The following MACROD2 variants were observed in gnomAD, a reference collection of about 807,000 sequenced individuals.
MACROD2 encodes ADP-ribose glycohydrolase MACROD2.
Under a neutral mutation model 70.4 loss-of-function variants are expected in MACROD2, and 36 were observed. The ratio of observed to expected loss-of-function variants is 0.51; its 90% CI spans 0.39 to 0.68. The LOEUF (loss-of-function observed/expected upper bound fraction) is 0.68, where lower values mean the gene tolerates loss of function less well. Ranked by LOEUF, MACROD2 falls within the 30% of genes least tolerant of loss-of-function variation. The pLI, the probability that MACROD2 is intolerant of heterozygous loss-of-function variation, is 0.00. For missense variants in MACROD2, 496 were observed against 538.4 expected (o/e 0.92, Z 0.78); for synonymous variants, 172 against 178.8 (o/e 0.96, Z 0.30).
intron 8 of MACROD2, among the ~76,000 whole-genome samples, chr20:15,640,285 A>G (rs1231171718): frequency 6.6e-6 from 1 of 152,062 alleles, no homozygotes; most frequent in East Asian, 1.9e-4. Context: ...GGGGAAATAA[A>G]GGAAAAGGAG....
At chr20:14,790,123 T>C (rs2072431538) in intron 5 of MACROD2, among the ~76,000 whole-genome samples, 1 of 152,142 alleles carries the variant, frequency 6.6e-6, no homozygotes. Flanking sequence ...TTTTTCTCCT[T>C]AAGTGCATAT....
At position 14,845,818 on chromosome 20, in the gene MACROD2, C is replaced by G. The variant is rs1198173553; in HGVS notation, c.418+160859C>G. ...GGTTGGCTATAGAAATGAGTCACGA[C>G]CAGTCAGATTTGGCTGACTTGTGGG... On this transcript the variant is annotated intron_variant, in intron 5 of 17. Transcript: ENST00000684519. 2.0e-5 allele frequency among the ~76,000 whole-genome samples: 3 copies of G among 152,024 alleles called. No homozygotes were observed. The East Asian group carries it at 5.8e-4, about 29-fold the overall frequency.
At chr20:15,518,448 A>ATTGG (rs2047600027) in intron 8 of MACROD2, among the ~76,000 whole-genome samples, 2 of 152,228 alleles carry the variant, frequency 1.3e-5, no homozygotes, top group Admixed American at 1.3e-4. Context: ...TTGGCTCAGT[A>ATTGG]TTGGCAATTG....
chr20:15,980,161 A>G (rs1243088801), intron 13 of MACROD2, among the ~76,000 whole-genome samples: 1 of 152,232 alleles, frequency 6.6e-6, no homozygotes, highest in Admixed American at 6.5e-5. Context: ...GGAATCTATG[A>G]ATAACATCGG....
At chr20:14,198,081 C>T (rs1416187090) in intron 3 of MACROD2, among the ~76,000 whole-genome samples, 1 of 151,692 alleles carries the variant, frequency 6.6e-6, no homozygotes, top group Non-Finnish European at 1.5e-5. Flanking sequence ...CAACATTCTG[C>T]CTACTTTATA....
At chr20:14,933,937 CATT>C (rs2074318242) in intron 5 of MACROD2, 1 of 152,162 alleles carries the variant, frequency 6.6e-6, no homozygotes, top group African/African-American at 2.4e-5. Flanking sequence ...ATTCAATCAT[CATT>C]ACCTATGAGA....
chr20:15,675,839 A>C (rs946181019), intron 8 of MACROD2, among the ~76,000 whole-genome samples: 4 of 152,178 alleles, frequency 2.6e-5, no homozygotes, highest in African/African-American at 9.7e-5. Context: ...GCTGAGGACA[A>C]GTGTAACCTC....
chr20:15,882,940 A>G (rs2064775621), intron 9 of MACROD2, among the ~76,000 whole-genome samples: 1 of 151,976 alleles, frequency 6.6e-6, no homozygotes, highest in Non-Finnish European at 1.5e-5. Flanking sequence ...AGAAGTATCA[A>G]TCCTTCCTCT....
At chr20:14,276,248 C>T in intron 3 of MACROD2, among the ~76,000 whole-genome samples, 1 of 151,294 alleles carries the variant, frequency 6.6e-6, no homozygotes. Flanking sequence ...CAATGATAGA[C>T]TGGATTAAGA....
At chr20:14,211,618 GCTAT>G (rs2081571625) in intron 3 of MACROD2, among the ~76,000 whole-genome samples, 1 of 152,172 alleles carries the variant, frequency 6.6e-6, no homozygotes, top group Non-Finnish European at 1.5e-5. Flanking sequence ...CAGGCTCTCT[GCTAT>G]CTGCTTTCCC....
intron 8 of MACROD2, among the ~76,000 whole-genome samples, chr20:15,740,685 C>G (rs945947224): frequency 5.3e-5 from 8 of 151,464 alleles, no homozygotes; most frequent in African/African-American, 2.0e-4. Flanking sequence ...ATTTCACTCC[C>G]CAACAAAATT....
chr20:14,730,054 T>C (rs1477299168), intron 5 of MACROD2, among the ~76,000 whole-genome samples: 2 of 152,064 alleles, frequency 1.3e-5, no homozygotes, highest in African/African-American at 4.8e-5. Context: ...AATTAAGACC[T>C]GGCAAACTAG....
intron 8 of MACROD2, among the ~76,000 whole-genome samples, chr20:15,575,388 G>C (rs538838135): frequency 4.2e-4 from 64 of 152,000 alleles, no homozygotes; most frequent in African/African-American, 1.4e-3. Flanking sequence ...TGAATACCAT[G>C]AATGAATGAA....
chr20:15,429,541 C>A (rs1600399429), intron 6 of MACROD2, among the ~76,000 whole-genome samples: 1 of 151,984 alleles, frequency 6.6e-6, no homozygotes, highest in African/African-American at 2.4e-5. Context: ...TTTAATAGAG[C>A]ATCATGCAAA....
At chr20:14,870,608 A>ATT (rs146785564) in intron 5 of MACROD2, among the ~76,000 whole-genome samples, 4 of 148,918 alleles carry the variant, frequency 2.7e-5, no homozygotes, top group African/African-American at 9.8e-5. Context: ...AGGACCTATT[A>ATT]TTTTTTTTTT....
intron 4 of MACROD2, among the ~76,000 whole-genome samples, chr20:14,552,877 G>C (rs942539950): frequency 6.6e-6 from 1 of 152,138 alleles, no homozygotes; most frequent in Non-Finnish European, 1.5e-5. Context: ...CTTTGGATGA[G>C]TCAGTGAGTT....
chr20:14,917,640 C>CA (rs1384236772), intron 5 of MACROD2, among the ~76,000 whole-genome samples: 1 of 152,030 alleles, frequency 6.6e-6, no homozygotes, highest in Non-Finnish European at 1.5e-5. Flanking sequence ...TACAGGACAA[C>CA]AAACAGCAAT....
At chr20:14,453,581 T>C (rs939602754) in intron 3 of MACROD2, among the ~76,000 whole-genome samples, 4 of 152,186 alleles carry the variant, frequency 2.6e-5, no homozygotes, top group African/African-American at 7.2e-5. Context: ...GTGGGATTCA[T>C]TGATGTGTCG....
At chr20:15,624,406 C>G (rs1241200213) in intron 8 of MACROD2, among the ~76,000 whole-genome samples, 1 of 152,176 alleles carries the variant, frequency 6.6e-6, no homozygotes, top group East Asian at 1.9e-4. Flanking sequence ...TTAATCCAAT[C>G]AAGTTGACAC....
Sources: allele counts gnomAD v4.1 joint callset (sites outside exome capture counted in the v4.1 genomes callset), GRCh38; gene constraint gnomAD v4.1.1; transcripts MANE v1.5; gene names NCBI Gene and HGNC (gene_info 2026-07-23, HGNC 2026-07-21).